The following SLC39A10 variants were observed in gnomAD, a reference collection of about 807,000 sequenced individuals.
SLC39A10 encodes the protein zinc transporter ZIP10.
Under a neutral mutation model 65.1 loss-of-function variants are expected in SLC39A10, and 13 were observed. The observed-to-expected ratio is 0.20, with a 90% CI of 0.13 to 0.32. The LOEUF (loss-of-function observed/expected upper bound fraction) is 0.32. Ranked by LOEUF, SLC39A10 falls within the 10% of genes least tolerant of loss-of-function variation. The probability of loss-of-function intolerance (pLI) is 1.00; values close to 1 mark genes in which losing one functional copy is unlikely to be tolerated. For synonymous variants in SLC39A10, 321 were observed against 342.2 expected (o/e 0.94, Z 0.68); for missense variants, 831 against 1,018.4 (o/e 0.82, Z 2.50).
intron 2 of SLC39A10, among the ~76,000 whole-genome samples, chr2:195,629,611 T>C (rs1169581480): frequency 1.3e-5 from 2 of 152,116 alleles, no homozygotes; most frequent in African/African-American, 2.4e-5. Flanking sequence ...CAACCACAGC[T>C]CTGGAGCCAC....
At chr2:195,712,255 A>G (rs920943543) in intron 5 of SLC39A10, among the ~76,000 whole-genome samples, 4 of 152,238 alleles carry the variant, frequency 2.6e-5, no homozygotes, top group African/African-American at 9.6e-5. Flanking sequence ...CCAGATCTCT[A>G]TAAAGCTAGT....
At chr2:195,618,367 A>AAAAAAAAAG (rs1553490807) in intron 2 of SLC39A10, among the ~76,000 whole-genome samples, 1 of 151,882 alleles carries the variant, frequency 6.6e-6, no homozygotes, top group African/African-American at 2.4e-5. Flanking sequence ...AAAAAAAAAA[A>AAAAAAAAAG]AGAGAGAGAA....
intron 2 of SLC39A10, among the ~76,000 whole-genome samples, chr2:195,622,972 CA>C (rs11440347): frequency 1.3e-3 from 126 of 96,870 alleles, no homozygotes; most frequent in African/African-American, 4.5e-3. Flanking sequence ...ACTCCTGTCT[CA>C]AAAAAAAAAA....
intron 2 of SLC39A10, among the ~76,000 whole-genome samples, chr2:195,615,236 G>A (rs537804500): frequency 7.1e-4 from 108 of 152,254 alleles, no homozygotes; most frequent in African/African-American, 2.6e-3. Flanking sequence ...GTTTCTGATT[G>A]GGTAGGTTCA....
intron 2 of SLC39A10, among the ~76,000 whole-genome samples, chr2:195,645,947 CTTTG>C (rs1284345831): frequency 3.3e-5 from 5 of 151,880 alleles, no homozygotes; most frequent in African/African-American, 4.8e-5. Context: ...ATCTTTTTTT[CTTTG>C]TTTGTTTTTG....
At chr2:195,716,198 T>A (rs1351965174) in intron 6 of SLC39A10, among the ~76,000 whole-genome samples, 1 of 152,216 alleles carries the variant, frequency 6.6e-6, no homozygotes, top group East Asian at 1.9e-4. Flanking sequence ...CTACAGTTAA[T>A]AAAGTTCTCA....
chr2:195,687,370 A>G (rs1343667854), intron 3 of SLC39A10, among the ~76,000 whole-genome samples: 1 of 151,920 alleles, frequency 6.6e-6, no homozygotes, highest in Admixed American at 6.6e-5. Flanking sequence ...TTGTTATGTT[A>G]CCTGTGGATT....
At chr2:195,734,308 C>T (rs1260480280) in intron 9 of SLC39A10, among the ~76,000 whole-genome samples, 3 of 151,810 alleles carry the variant, frequency 2.0e-5, no homozygotes, top group African/African-American at 4.8e-5. Flanking sequence ...GTAGCTGGGA[C>T]TACAAGCGTG....
At chr2:195,673,450 G>A (rs1318873194) in intron 1 of SLC39A10, among the ~76,000 whole-genome samples, 2 of 152,190 alleles carry the variant, frequency 1.3e-5, no homozygotes, top group African/African-American at 4.8e-5. Flanking sequence ...GAGCCACAGT[G>A]CCCAGCCCAA....
intron 2 of SLC39A10, among the ~76,000 whole-genome samples, chr2:195,620,826 T>A (rs567337494): frequency 3.2e-4 from 49 of 152,204 alleles, no homozygotes; most frequent in Non-Finnish European, 6.2e-4. Context: ...TTATTGAATG[T>A]TGCTCCATTT....
At chr2:195,715,441 G>C (rs1411451546) in intron 6 of SLC39A10, among the ~76,000 whole-genome samples, 1 of 150,156 alleles carries the variant, frequency 6.7e-6, no homozygotes, top group South Asian at 2.1e-4. Flanking sequence ...CAAGAGAATC[G>C]CTTGAACTTG....
rs2105844705 is a variant in SLC39A10 at position 195,728,028 on chromosome 2, T to G, written c.2147-131T>G. The G allele has an allele frequency of 1.2e-6, 1 of 810,424 alleles. No homozygotes were observed. The highest frequency in any genetic ancestry group is 1.7e-5 in the African/African-American group (1 of 57,970). 50.2% of individuals were successfully genotyped at this position (810,424 alleles called of 1,614,324 possible). A position where few individuals can be genotyped will look rare whatever the true frequency, so the allele number is the denominator to read the frequency against. On this transcript the variant is annotated intron_variant, in intron 8 of 9. Transcript: ENST00000359634. This position sits in a 1 kb window ranked among gnomAD's most constrained non-coding sequence, Gnocchi z 4.4. ...ATTATGGTTTAATAAGTAAAATATTTTATATATCACATAAAATACTGTTAT... is the reference window on the plus strand; with the variant it reads ...ATTATGGTTTAATAAGTAAAATATTGTATATATCACATAAAATACTGTTAT...
intron 1 of SLC39A10, among the ~76,000 whole-genome samples, chr2:195,659,483 A>T (rs1333958338): frequency 2.6e-5 from 4 of 152,208 alleles, no homozygotes; most frequent in Non-Finnish European, 5.9e-5. Context: ...ATGTAGTATT[A>T]TAGCAAGGAA....
In SLC39A10 at chr2:195,736,189, A is replaced by G. The variant is rs896933824; in HGVS notation, c.*1148A>G. ...GATGCATTTAAATTACTCAGCTGAA[A>G]TCACTTGATCATCTTGTGCCAAGAT... On this transcript the variant is annotated 3_prime_UTR_variant, in exon 10 of 10. Transcript: ENST00000359634. The G allele has an allele frequency of 6.5e-6, 1 of 152,972 alleles. No homozygotes were observed. Among genetic ancestry groups the G allele is most frequent in the Non-Finnish European group, 1.5e-5 (1 of 68,032 alleles). The allele number at this position is 152,972 out of a possible 1,614,324, so 9.5% of individuals were successfully genotyped here. A position where few individuals can be genotyped will look rare whatever the true frequency, so the allele number is the denominator to read the frequency against.
chr2:195,716,898 G>T lies in SLC39A10; in HGVS notation c.1958G>T (p.Gly653Val), dbSNP rs938027799. 1 of 1,614,068 alleles carries T rather than the reference G, an allele frequency of 6.2e-7. No homozygotes were observed. Among genetic ancestry groups the T allele is most frequent in the African/African-American group, 1.3e-5 (1 of 74,914 alleles). ...CACAAGCATTCTCATCATTCCCATG[G>T]CCCCTGTCATTCTGGATCCGATCTG... ...WHHKHSHHSH[G>V]PCHSGSDLKE... Residue 653 changes from glycine (G) to valine (V), a missense_variant, in exon 7 of 10, where the codon GGC becomes GTC. By Grantham distance (109) the Gly-to-Val change is moderately radical. Transcript: ENST00000359634.
At chr2:195,618,342 C>A (rs1688270371) in intron 2 of SLC39A10, among the ~76,000 whole-genome samples, 1 of 137,954 alleles carries the variant, frequency 7.2e-6, no homozygotes. Context: ...CAGAATGAGA[C>A]TCCGTCTCAC....
intron 2 of SLC39A10, among the ~76,000 whole-genome samples, chr2:195,613,763 A>T (rs1688147193): frequency 6.6e-6 from 1 of 152,250 alleles, no homozygotes; most frequent in Non-Finnish European, 1.5e-5. Context: ...AACATTACCC[A>T]GTGCAACAAA....
intron 8 of SLC39A10, among the ~76,000 whole-genome samples, chr2:195,721,010 C>T (rs775040732): frequency 7.9e-5 from 12 of 152,316 alleles, no homozygotes; most frequent in Non-Finnish European, 1.6e-4. Flanking sequence ...GGCTTGATCA[C>T]GGCTTAGTGC....
At chr2:195,685,095 AT>A (rs201713991) in intron 3 of SLC39A10, among the ~76,000 whole-genome samples, 37 of 149,780 alleles carry the variant, frequency 2.5e-4, no homozygotes, top group African/African-American at 5.6e-4. Flanking sequence ...TTTTAAATGC[AT>A]TTTTTTTTCA....
Sources: allele counts gnomAD v4.1 joint callset (sites outside exome capture counted in the v4.1 genomes callset), GRCh38; gene constraint gnomAD v4.1.1; non-coding constraint Gnocchi (gnomAD v3.1); transcripts MANE v1.5; gene names NCBI Gene and HGNC (gene_info 2026-07-23, HGNC 2026-07-21).